RBFOX2: variants seen among roughly 807,000 people sequenced by gnomAD.
RBFOX2 encodes RNA binding fox-1 homolog 2, also known as RNA binding protein fox-1 homolog 2.
Under a neutral mutation model 49.1 loss-of-function variants are expected in RBFOX2, and 10 were observed. That is an observed-to-expected ratio of 0.20 (90% CI 0.13 to 0.35). The LOEUF is 0.35. Ranked by LOEUF, RBFOX2 falls within the 10% of genes least tolerant of loss-of-function variation. RBFOX2 has a pLI of 1.00. For missense variants in RBFOX2, 323 were observed against 486.9 expected (o/e 0.66, Z 3.17); for synonymous variants, 183 against 187.4 (o/e 0.98, Z 0.19).
intron 1 of RBFOX2, among the ~76,000 whole-genome samples, chr22:35,976,900 G>T (rs151063556): frequency 6.6e-6 from 1 of 151,356 alleles, no homozygotes; most frequent in East Asian, 2.0e-4. Context: ...GGAGGCGGAG[G>T]TTGCAGGGAG....
intron 1 of RBFOX2, among the ~76,000 whole-genome samples, chr22:35,876,534 CAA>C (rs769386040): frequency 2.0e-5 from 3 of 152,116 alleles, no homozygotes; most frequent in African/African-American, 4.8e-5. Flanking sequence ...AGCCTCAAAA[CAA>C]AACTCCTTTA....
Position 35,868,609 on chromosome 22 carries a change from A to G in RBFOX2, c.-33-58605T>C, listed in dbSNP as rs528365139. ...TATTTTAAAAAAAAAAAAATTAAAA[A>G]CTAGCCAGGTGTGGTGGCACGTGCC... On this transcript the variant is annotated intron_variant, in intron 1 of 13. Transcript: ENST00000359369. Among the ~76,000 whole-genome samples the G allele has an allele frequency of 8.5e-5, 13 of 152,246 alleles. No homozygotes were observed. The East Asian group carries it at 2.5e-3, about 29-fold the overall frequency.
At chr22:35,966,972 GCAGT>G (rs1179413284) in intron 1 of RBFOX2, among the ~76,000 whole-genome samples, 1 of 149,544 alleles carries the variant, frequency 6.7e-6, no homozygotes, top group East Asian at 2.0e-4. Context: ...GGCATTATGC[GCAGT>G]CAACTTTAAA....
chr22:35,928,178 G>A (rs2051900368), intron 1 of RBFOX2, among the ~76,000 whole-genome samples: 1 of 152,118 alleles, frequency 6.6e-6, no homozygotes, highest in African/African-American at 2.4e-5. Flanking sequence ...CATTTAGCCT[G>A]CAACAGCAGG....
intron 1 of RBFOX2, among the ~76,000 whole-genome samples, chr22:35,849,656 A>G (rs919677076): frequency 2.0e-5 from 3 of 152,156 alleles, no homozygotes; most frequent in African/African-American, 7.2e-5. Flanking sequence ...ACAGTACAAA[A>G]AGTGTCTAAG....
intron 1 of RBFOX2, among the ~76,000 whole-genome samples, chr22:35,881,731 C>T (rs182836522): frequency 0.013 from 2,015 of 151,864 alleles, 14 homozygotes; most frequent in African/African-American, 0.024. Context: ...GAGGCCGAGG[C>T]GGGTGGATCA....
chr22:35,807,344 G>A (rs1483074999), intron 2 of RBFOX2, among the ~76,000 whole-genome samples: 2 of 151,964 alleles, frequency 1.3e-5, no homozygotes, highest in Admixed American at 1.3e-4. Flanking sequence ...TTGTTGGAAA[G>A]ACTGTCTAGT....
chr22:35,976,797 T>C (rs535325937), intron 1 of RBFOX2, among the ~76,000 whole-genome samples: 1 of 152,068 alleles, frequency 6.6e-6, no homozygotes, highest in African/African-American at 2.4e-5. Flanking sequence ...ACCTCGCCTC[T>C]ACTAAAAATA....
chr22:35,976,976 A>AG (rs2057198569), intron 1 of RBFOX2, among the ~76,000 whole-genome samples: 1 of 151,912 alleles, frequency 6.6e-6, no homozygotes. Flanking sequence ...AAAAAAAAAA[A>AG]AAAGAAAAAG....
intron 1 of RBFOX2, among the ~76,000 whole-genome samples, chr22:35,977,721 ACTATATATAT>A (rs1243763089): frequency 1.8e-5 from 1 of 54,296 alleles, no homozygotes; most frequent in African/African-American, 7.5e-5. Context: ...ACCTGAATGA[ACTATATATAT>A]ATATATATAT....
At chr22:35,948,403 A>G (rs2054552970) in intron 1 of RBFOX2, among the ~76,000 whole-genome samples, 1 of 152,216 alleles carries the variant, frequency 6.6e-6, no homozygotes, top group African/African-American at 2.4e-5. Context: ...TACATAAATA[A>G]TAAATAAAAT....
At chr22:35,780,296 G>A (rs1944853356) in intron 3 of RBFOX2, among the ~76,000 whole-genome samples, 1 of 150,758 alleles carries the variant, frequency 6.6e-6, no homozygotes, top group African/African-American at 2.4e-5. Context: ...AAGACTTAAA[G>A]AAGAGCATCT....
chr22:35,835,076 C>T (rs1480398129), intron 1 of RBFOX2, among the ~76,000 whole-genome samples: 1 of 152,110 alleles, frequency 6.6e-6, no homozygotes, highest in Non-Finnish European at 1.5e-5. Flanking sequence ...AAGAAAGGTG[C>T]TACAATCAAA....
At chr22:35,837,670 G>A (rs958737672) in intron 1 of RBFOX2, among the ~76,000 whole-genome samples, 6 of 152,026 alleles carry the variant, frequency 3.9e-5, no homozygotes, top group Admixed American at 1.3e-4. Context: ...CAAATACGCT[G>A]GAATACTGAA....
chr22:35,823,593 G>A (rs565351644), intron 1 of RBFOX2, among the ~76,000 whole-genome samples: 12 of 152,126 alleles, frequency 7.9e-5, no homozygotes, highest in Non-Finnish European at 1.8e-4. Flanking sequence ...TTTATTTTCT[G>A]CAAAACAAGA....
At chr22:35,805,517 T>C (rs894566353) in intron 2 of RBFOX2, among the ~76,000 whole-genome samples, 8 of 152,264 alleles carry the variant, frequency 5.3e-5, no homozygotes, top group Middle Eastern at 3.4e-3. Context: ...CTCTCATTCA[T>C]TGCTGGTGGA....
chr22:35,947,559 T>C (rs2054429567), intron 1 of RBFOX2, among the ~76,000 whole-genome samples: 1 of 151,318 alleles, frequency 6.6e-6, no homozygotes, highest in Admixed American at 6.6e-5. Flanking sequence ...ATTACCACCT[T>C]CCAGTGGGAA....
At chr22:35,877,769 C>A (rs1159795237) in intron 1 of RBFOX2, among the ~76,000 whole-genome samples, 1 of 152,000 alleles carries the variant, frequency 6.6e-6, no homozygotes, top group Non-Finnish European at 1.5e-5. Context: ...TAGTACAAAG[C>A]ACTGGTCCCT....
At position 35,887,351 on chromosome 22, in the gene RBFOX2, C is replaced by T. The variant is rs568419308; in HGVS notation, c.-34+51496G>A. Among the ~76,000 whole-genome samples the T allele has an allele frequency of 1.2e-4, 19 of 152,204 alleles. 1 individual carries two copies. In the South Asian group the frequency reaches 3.3e-3, roughly 27 times the overall value. ...AACTGTTCTCTATGCCTTTTCTGAT[C>T]CCATCTCCTGCACTTCCTTGCCCTC... On this transcript the variant is annotated intron_variant, in intron 1 of 13. Transcript: ENST00000359369.
Sources: allele counts gnomAD v4.1 joint callset (sites outside exome capture counted in the v4.1 genomes callset), GRCh38; gene constraint gnomAD v4.1.1; transcripts MANE v1.5; gene names NCBI Gene and HGNC (gene_info 2026-07-23, HGNC 2026-07-21).